The following FBXO2 variants were observed in gnomAD, a reference collection of about 807,000 sequenced individuals.
The protein encoded by FBXO2 is F-box protein 2.
Under a neutral mutation model 38.6 loss-of-function variants are expected in FBXO2, and 32 were observed. The ratio of observed to expected loss-of-function variants is 0.83; its 90% CI spans 0.62 to 1.11. FBXO2 has a LOEUF of 1.11. Among genes scored for constraint, FBXO2 ranks in the 50% most tolerant of loss-of-function variants. FBXO2 has a pLI of 0.00. For missense variants in FBXO2, 450 were observed against 418.3 expected, an observed-to-expected ratio of 1.08 and a Z score of -0.66; for synonymous variants, 189 against 182.9, an observed-to-expected ratio of 1.03 and a Z score of -0.27.
intron 4 of FBXO2, chr1:11,649,559 T>A (rs1174343923): frequency 3.4e-6 from 2 of 595,904 alleles, no homozygotes; most frequent in Non-Finnish European, 6.0e-6. Flanking sequence ...AACATATATA[T>A]GTGCATATAT....
Position 11,648,743 on chromosome 1 carries a change from C to A in FBXO2, c.842G>T (p.Gly281Val). The A allele has an allele frequency of 6.2e-7, 1 of 1,613,570 alleles. No individual in the cohort carries two copies. The highest frequency in any genetic ancestry group is 8.5e-7 in the Non-Finnish European group (1 of 1,180,042). The part of the protein sequence containing the change: ...HGGQDSVYWK[G>V]WFGARVTNSS... ...GTTGGTCACCCGGGCCCCGAACCAG[C>A]CCTTCCAGTAGACGGAGTCCTGCCC... The change falls in exon 6 of 6, where the codon GGC (glycine) becomes GTC (valine). Residue 281 changes from glycine (G) to valine (V), a missense_variant. By Grantham distance (109) the Gly-to-Val change is moderately radical (BLOSUM62 -3). Coordinates refer to ENST00000354287, the MANE Select transcript of FBXO2 (RefSeq NM_012168.6). The surrounding 1 kb of genome is among the most constrained non-coding windows in gnomAD (Gnocchi z 4.2).
At chr1:11,649,003 C>G (rs1639467169) in intron 5 of FBXO2, 84 bp downstream of exon 5, 1 of 1,481,836 alleles carries the variant, frequency 6.7e-7, no homozygotes, top group African/African-American at 1.4e-5. Flanking sequence ...CACCCCAGCC[C>G]AGGAGCGCTG....
Position 11,650,495 on chromosome 1 carries a change from C to T in FBXO2, c.362G>A (p.Arg121His), listed in dbSNP as rs758528085. ...CCCACACGGGTTACGCAGAAGGTTG[C>T]GGCGCCGCTTGCTCAGGAAGTAGAA... is the stretch of plus-strand genomic sequence containing the variant. The part of the protein sequence containing the change: ...QQFYFLSKRR[R>H]NLLRNPCGEE... The change falls in exon 2 of 6, where the codon CGC (arginine) becomes CAC (histidine). Residue 121 changes from arginine to histidine, a missense_variant. Arg to His is a conservative substitution (Grantham distance 29). Coordinates refer to ENST00000354287, the MANE Select transcript of FBXO2 (RefSeq NM_012168.6). 69 of 1,607,944 alleles carry T rather than the reference C, an allele frequency of 4.3e-5. No homozygotes were observed. Among genetic ancestry groups the T allele is most frequent in the South Asian group, 8.9e-5 (8 of 89,910 alleles).
intron 4 of FBXO2, 103 bp from the exon 5 acceptor site, chr1:11,649,328 C>T (rs1639474773): frequency 2.0e-6 from 2 of 998,346 alleles, no homozygotes; most frequent in East Asian, 2.7e-5. Context: ...CACAAAAGTC[C>T]TCCTGTGCGC....
chr1:11,652,259 G>C (rs1270144955), intron 1 of FBXO2, among the ~76,000 whole-genome samples: 2 of 152,152 alleles, frequency 1.3e-5, no homozygotes, highest in Non-Finnish European at 2.9e-5. Context: ...ACAGAGCCTG[G>C]AGACCCAGCT....
chr1:11,650,183 G>T, intron 2 of FBXO2, 109 bp from the exon 3 acceptor site: 1 of 1,500,744 alleles, frequency 6.7e-7, no homozygotes, highest in Non-Finnish European at 9.0e-7. Context: ...GTCTTGGTGG[G>T]CAGATGATGA....
rs1307340082 is a variant in FBXO2, at chr1:11,650,818, G to C, written c.39C>G (p.Pro13=). Residue 13 remains proline (P), a synonymous_variant, in exon 2 of 6, where the codon CCC becomes CCG. Coordinates refer to ENST00000354287, the MANE Select transcript of FBXO2 (RefSeq NM_012168.6). ...GCTGCTCCTCCGGGCTTGCCTCCTC[G>C]GGCTGGCCCACGCTCTCTGCAGGCA... ...GDGDPESVGQ[P]EEASPEEQPE... is the part of the protein sequence containing the mutation. The C allele has an allele frequency of 1.3e-6, 2 of 1,546,692 alleles. No homozygotes were observed. Among genetic ancestry groups the C allele is most frequent in the South Asian group, 1.2e-5 (1 of 85,172 alleles).
chr1:11,649,922 C>A, intron 3 of FBXO2, 23 bp downstream of exon 3: 1 of 1,613,900 alleles, frequency 6.2e-7, no homozygotes, highest in Admixed American at 1.7e-5. Flanking sequence ...CCCTTCCCAC[C>A]TCCTCCACCC....
Position 11,650,751 on chromosome 1 carries a change from G to T in FBXO2, c.106C>A (p.Gln36Lys). ...GCGGCGGCCGCCGCCTCCTCCTCCT[G>T]CTGGTCCTCCGGCCGCTCCTCCTCA... ...SAEEERPEDQ[Q>K]EEEAAAAAAY... is the part of the protein sequence containing the mutation. Residue 36 changes from glutamine (Q) to lysine (K), a missense_variant, in exon 2 of 6, where the codon CAG becomes AAG. By Grantham distance (53) the Gln-to-Lys change is moderately conservative. Coordinates refer to ENST00000354287, the MANE Select transcript of FBXO2 (RefSeq NM_012168.6). 6.5e-7 allele frequency: 1 copy of T among 1,531,508 alleles called. No individual in the cohort carries two copies. Among genetic ancestry groups the T allele is most frequent in the Non-Finnish European group, 8.7e-7 (1 of 1,145,194 alleles). 94.9% of individuals were successfully genotyped at this position (1,531,508 alleles called of 1,614,324 possible). A position where few individuals can be genotyped will look rare whatever the true frequency, so the allele number is the denominator to read the frequency against.
chr1:11,651,021 C>T (rs1215878864), intron 1 of FBXO2, among the ~76,000 whole-genome samples, 187 bp from the exon 2 acceptor site: 1 of 152,228 alleles, frequency 6.6e-6, no homozygotes, highest in Admixed American at 6.5e-5. Context: ...AACCCCGGAT[C>T]AGCCCCTAAG....
At chr1:11,654,023 A>C in intron 1 of FBXO2, 1 of 405,602 alleles carries the variant, frequency 2.5e-6, no homozygotes, top group African/African-American at 2.1e-5. Flanking sequence ...GGCCCCCGCC[A>C]GACAGACCCT....
Position 11,650,535 on chromosome 1 carries a change from C to A in FBXO2, c.322G>T (p.Asp108Tyr). 6.2e-7 allele frequency: 1 copy of A among 1,602,326 alleles called. No individual in the cohort carries two copies. The highest frequency in any genetic ancestry group is 8.5e-7 in the Non-Finnish European group (1 of 1,175,716). Residue 108 changes from aspartate (D) to tyrosine (Y), a missense_variant, in exon 2 of 6, where the codon GAC becomes TAC. Coordinates refer to ENST00000354287, the MANE Select transcript of FBXO2 (RefSeq NM_012168.6). ...AGGAAGTAGAACTGCTGCCAGTGGTCGCGCTCCTCCTCCACGCCGCCCTCG... is the reference window on the plus strand; with the variant it reads ...AGGAAGTAGAACTGCTGCCAGTGGTAGCGCTCCTCCTCCACGCCGCCCTCG... ...VPEGGVEEER[D>Y]HWQQFYFLSK...
chr1:11,650,755 G>A lies in FBXO2; in HGVS notation c.102C>T (p.Asp34=), dbSNP rs1177834590. ...CGGCCGCCGCCTCCTCCTCCTGCTG[G>A]TCCTCCGGCCGCTCCTCCTCAGCAC... is the stretch of plus-strand genomic sequence containing the variant. ...EASAEEERPE[D]QQEEEAAAAA... Residue 34 remains aspartate, a synonymous_variant, in exon 2 of 6, where the codon GAC becomes GAT. Transcript: ENST00000354287. 1 of 1,531,592 alleles carries A rather than the reference G, an allele frequency of 6.5e-7. No individual in the cohort carries two copies. The highest frequency in any genetic ancestry group is 2.5e-5 in the East Asian group (1 of 40,356). 94.9% of individuals were successfully genotyped at this position (1,531,592 alleles called of 1,614,324 possible). A position where few individuals can be genotyped will look rare whatever the true frequency, so the allele number is the denominator to read the frequency against.
rs1207037739 is a variant in FBXO2 at position 11,650,742 on chromosome 1, C to T, written c.115G>A (p.Glu39Lys). 6.5e-7 allele frequency: 1 copy of T among 1,530,802 alleles called. No individual in the cohort carries two copies. The highest frequency in any genetic ancestry group is 2.5e-5 in the East Asian group (1 of 40,296). The allele number at this position is 1,530,802 out of a possible 1,614,324, so 94.8% of individuals were successfully genotyped here. A position where few individuals can be genotyped will look rare whatever the true frequency, so the allele number is the denominator to read the frequency against. ...AGGTACGCGGCGGCGGCCGCCGCCT[C>T]CTCCTCCTGCTGGTCCTCCGGCCGC... Reference protein sequence around the residue: ...EERPEDQQEEEAAAAAAYLDE... With the variant: ...EERPEDQQEEKAAAAAAYLDE... The change falls in exon 2 of 6, where the codon GAG becomes AAG. Residue 39 changes from glutamate to lysine, a missense_variant. By Grantham distance (56) the Glu-to-Lys change is moderately conservative. Coordinates refer to ENST00000354287, the MANE Select transcript of FBXO2 (RefSeq NM_012168.6).
At chr1:11,651,719 TG>T (rs1301394971) in intron 1 of FBXO2, among the ~76,000 whole-genome samples, 4 of 145,504 alleles carry the variant, frequency 2.7e-5, no homozygotes, top group Non-Finnish European at 3.0e-5. Context: ...TTTTTTTTTT[TG>T]ATATGGAGTC....
chr1:11,648,963 G>C lies in FBXO2; in HGVS notation c.756+124C>G. On this transcript the variant is annotated intron_variant, in intron 5 of 5. Transcript: ENST00000354287. This position sits in a 1 kb window ranked among gnomAD's most constrained non-coding sequence, Gnocchi z 4.2. The stretch of plus-strand genomic sequence containing the variant: ...TATTCAGAACTCTCTCCACCACCCG[G>C]TGACTATCTCAGCCCAGCCCAGCCC... 7.6e-7 allele frequency: 1 copy of C among 1,318,458 alleles called. No homozygotes were observed. Among genetic ancestry groups the C allele is most frequent in the Non-Finnish European group, 1.0e-6 (1 of 955,196 alleles). The allele number at this position is 1,318,458 out of a possible 1,614,324, so 81.7% of individuals were successfully genotyped here.
Position 11,650,573 on chromosome 1 carries a change from T to C in FBXO2, c.284A>G (p.Glu95Gly). The change falls in exon 2 of 6, where the codon GAG becomes GGG. Residue 95 changes from glutamate (E) to glycine (G), a missense_variant. Glu to Gly is a moderately conservative substitution (Grantham distance 98). Transcript: ENST00000354287. Reference protein sequence around the residue: ...APLWLLKCQQEGLVPEGGVEE... With the variant: ...APLWLLKCQQGGLVPEGGVEE... The stretch of plus-strand genomic sequence containing the variant: ...CACGCCGCCCTCGGGCACCAGCCCC[T>C]CCTGCTGGCACTTGAGCAGCCACAG... The C allele has an allele frequency of 6.3e-7, 1 of 1,595,766 alleles. No homozygotes were observed. The highest frequency in any genetic ancestry group is 8.5e-7 in the Non-Finnish European group (1 of 1,173,312).
In FBXO2 at chr1:11,648,711, C is replaced by T; in HGVS notation, c.874G>A (p.Val292Met). Residue 292 changes from valine (V) to methionine (M), a missense_variant, in exon 6 of 6, where the codon GTG becomes ATG. Coordinates refer to ENST00000354287, the MANE Select transcript of FBXO2 (RefSeq NM_012168.6). The surrounding 1 kb of genome is among the most constrained non-coding windows in gnomAD (Gnocchi z 4.2). ...WFGARVTNSS[V>M]WVEP is the part of the protein sequence containing the mutation. The stretch of plus-strand genomic sequence containing the variant: ...AGGGTCGCTCAGGGTTCTACCCACA[C>T]GCTGCTGTTGGTCACCCGGGCCCCG... 1 of 1,613,318 alleles carries T rather than the reference C, an allele frequency of 6.2e-7. No homozygotes were observed. Among genetic ancestry groups the T allele is most frequent in the Non-Finnish European group, 8.5e-7 (1 of 1,179,990 alleles).
intron 1 of FBXO2, among the ~76,000 whole-genome samples, chr1:11,651,782 G>A (rs55860801): frequency 0.033 from 5,045 of 151,696 alleles, 120 homozygotes; most frequent in Middle Eastern, 0.059. Context: ...TCTGCCTCCC[G>A]GGTAGCTGGA....
Sources: allele counts gnomAD v4.1 joint callset (sites outside exome capture counted in the v4.1 genomes callset), GRCh38; gene constraint gnomAD v4.1.1; non-coding constraint Gnocchi (gnomAD v3.1); transcripts MANE v1.5; gene names NCBI Gene and HGNC (gene_info 2026-07-23, HGNC 2026-07-21).